Variants in PTPRD observed in about 807,000 individuals in gnomAD.
PTPRD encodes receptor-type tyrosine-protein phosphatase delta.
A neutral mutation model predicts 214.5 loss-of-function variants in PTPRD; 34 were observed. The observed-to-expected ratio is 0.16, with a 90% confidence interval of 0.12 to 0.21. PTPRD has a LOEUF of 0.21. Ranked by LOEUF, PTPRD falls within the 10% of genes least tolerant of loss-of-function variation. The pLI, the probability that PTPRD is intolerant of heterozygous loss-of-function variation, is 1.00. For missense variants in PTPRD, 2,545 were observed against 2,398.7 expected (o/e 1.06, Z -1.27); for synonymous variants, 1,128 against 845.7 (o/e 1.33, Z -5.79).
At chr9:10,274,490 C>A (rs10733204) in intron 3 of PTPRD, among the ~76,000 whole-genome samples, 129,916 of 152,096 alleles carry the variant, frequency 0.85, 55,516 homozygotes, top group East Asian at 0.96. Flanking sequence ...ATTTGGTTTG[C>A]GCTAGTATGA....
chr9:9,079,116 T>A (rs1338835115), intron 10 of PTPRD, among the ~76,000 whole-genome samples: 1 of 152,080 alleles, frequency 6.6e-6, no homozygotes, highest in South Asian at 2.1e-4. Context: ...TTAACTATGG[T>A]CATCCTACAG....
intron 4 of PTPRD, among the ~76,000 whole-genome samples, chr9:9,951,487 C>T (rs763713954): frequency 4.6e-5 from 7 of 152,116 alleles, no homozygotes; most frequent in African/African-American, 7.2e-5. Flanking sequence ...GACACTTGAG[C>T]GGATAAGCAT....
chr9:10,351,192 C>G (rs1003349941), intron 2 of PTPRD, among the ~76,000 whole-genome samples: 2 of 152,036 alleles, frequency 1.3e-5, no homozygotes, highest in Non-Finnish European at 2.9e-5. Flanking sequence ...AATATGCTTG[C>G]AAACTCAGTT....
chr9:10,016,735 G>A (rs1164120877), intron 4 of PTPRD, among the ~76,000 whole-genome samples: 1 of 151,100 alleles, frequency 6.6e-6, no homozygotes, highest in Non-Finnish European at 1.5e-5. Context: ...CAGGATGATG[G>A]CTCACTGCAT....
chr9:8,598,674 C>G (rs1201314809), intron 14 of PTPRD, among the ~76,000 whole-genome samples: 1 of 152,126 alleles, frequency 6.6e-6, no homozygotes, highest in Non-Finnish European at 1.5e-5. Context: ...TACAATGCTG[C>G]TTATACTTCA....
At chr9:9,525,401 T>C (rs1210378469) in intron 8 of PTPRD, among the ~76,000 whole-genome samples, 1 of 152,226 alleles carries the variant, frequency 6.6e-6, no homozygotes, top group Non-Finnish European at 1.5e-5. Flanking sequence ...CTGCAATCGA[T>C]GTTCCTTTTA....
intron 3 of PTPRD, among the ~76,000 whole-genome samples, chr9:10,308,930 T>C (rs2096178879): frequency 6.6e-6 from 1 of 152,096 alleles, no homozygotes. Context: ...AATATCCTTA[T>C]GATTAAAATT....
At chr9:9,269,932 C>A (rs10816080) in intron 9 of PTPRD, among the ~76,000 whole-genome samples, 11 of 150,576 alleles carry the variant, frequency 7.3e-5, no homozygotes, top group African/African-American at 2.7e-4. Context: ...GGAGACCTAA[C>A]GTACAGCATG....
At chr9:10,125,608 C>A (rs1009466670) in intron 3 of PTPRD, among the ~76,000 whole-genome samples, 1 of 144,368 alleles carries the variant, frequency 6.9e-6, no homozygotes, top group Non-Finnish European at 1.5e-5. Flanking sequence ...GCGTGCGCTA[C>A]CACGCTCGGC....
intron 8 of PTPRD, among the ~76,000 whole-genome samples, chr9:9,448,292 C>G (rs1050057361): frequency 6.6e-6 from 1 of 152,030 alleles, no homozygotes; most frequent in African/African-American, 2.4e-5. Flanking sequence ...TAATTGTAGT[C>G]CCCACACGAG....
At chr9:9,029,396 C>T (rs1485854236) in intron 10 of PTPRD, among the ~76,000 whole-genome samples, 2 of 151,762 alleles carry the variant, frequency 1.3e-5, no homozygotes, top group Non-Finnish European at 2.9e-5. Context: ...ATAACCTACT[C>T]AAGGCACCAC....
At chr9:10,091,597 G>T (rs1194777747) in intron 3 of PTPRD, among the ~76,000 whole-genome samples, 1 of 151,378 alleles carries the variant, frequency 6.6e-6, no homozygotes, top group African/African-American at 2.4e-5. Context: ...AATAATTGTT[G>T]TTTGGAATTG....
intron 11 of PTPRD, among the ~76,000 whole-genome samples, chr9:8,859,098 G>T (rs181213823): frequency 6.6e-6 from 1 of 152,230 alleles, no homozygotes; most frequent in Admixed American, 6.5e-5. Flanking sequence ...CACCTTGGCA[G>T]CCTCCTTCGG....
intron 9 of PTPRD, among the ~76,000 whole-genome samples, chr9:9,298,721 T>C (rs1019406968): frequency 2.0e-5 from 3 of 151,878 alleles, no homozygotes; most frequent in Non-Finnish European, 4.4e-5. Context: ...CAATGGGCTG[T>C]TTATATTTAA....
At chr9:9,853,383 A>C (rs1167700244) in intron 5 of PTPRD, among the ~76,000 whole-genome samples, 3 of 152,206 alleles carry the variant, frequency 2.0e-5, no homozygotes, top group Non-Finnish European at 4.4e-5. Flanking sequence ...AATGTAGAAC[A>C]ACATTCTTGT....
intron 9 of PTPRD, among the ~76,000 whole-genome samples, chr9:9,259,849 G>A (rs908565213): frequency 6.6e-6 from 1 of 151,860 alleles, no homozygotes; most frequent in Non-Finnish European, 1.5e-5. Flanking sequence ...CCAACAAAGG[G>A]CAATCAGAGA....
intron 2 of PTPRD, among the ~76,000 whole-genome samples, chr9:10,570,161 A>T (rs1395650687): frequency 6.6e-6 from 1 of 152,150 alleles, no homozygotes; most frequent in East Asian, 1.9e-4. Flanking sequence ...CTCCTTCACA[A>T]ATCACTGGAC....
intron 35 of PTPRD, among the ~76,000 whole-genome samples, chr9:8,432,073 A>C (rs7866424): frequency 6.6e-6 from 1 of 152,146 alleles, no homozygotes; most frequent in Non-Finnish European, 1.5e-5. Flanking sequence ...AGGCAACCAA[A>C]TGATCTGTAG....
chr9:9,698,440 A>C (rs1418303237), intron 7 of PTPRD, among the ~76,000 whole-genome samples: 2 of 152,188 alleles, frequency 1.3e-5, no homozygotes, highest in African/African-American at 4.8e-5. Context: ...GGGAGATCCC[A>C]AAGGGCAAAT....
Sources: allele counts gnomAD v4.1 joint callset (sites outside exome capture counted in the v4.1 genomes callset), GRCh38; gene constraint gnomAD v4.1.1; transcripts MANE v1.5; gene names NCBI Gene and HGNC (gene_info 2026-07-23, HGNC 2026-07-21).